Variants in DHDH observed in about 807,000 individuals in gnomAD.
DHDH encodes trans-1,2-dihydrobenzene-1,2-diol dehydrogenase.
A neutral mutation model predicts 33.2 loss-of-function variants in DHDH; 29 were observed. The ratio of observed to expected loss-of-function variants is 0.87; its 90% confidence interval spans 0.65 to 1.19. DHDH has a LOEUF of 1.19. Ranked by LOEUF, DHDH falls within the 50% of genes most tolerant of loss-of-function variation. The pLI, the probability that DHDH is intolerant of heterozygous loss-of-function variation, is 0.00. For missense variants in DHDH, 431 were observed against 455.0 expected (o/e 0.95, Z 0.48); for synonymous variants, 201 against 187.9 (o/e 1.07, Z -0.57).
At chr19:48,939,401 A>G (rs201250182) in intron 3 of DHDH, 48 bp from the exon 4 acceptor site, 2 of 1,571,332 alleles carry the variant, frequency 1.3e-6, no homozygotes, top group Non-Finnish European at 1.7e-6. Context: ...TTGGGACCCC[A>G]GAAGGGATTA....
intron 4 of DHDH, among the ~76,000 whole-genome samples, chr19:48,941,009 A>C (rs1367044025): frequency 1.3e-5 from 2 of 152,052 alleles, no homozygotes; most frequent in Non-Finnish European, 2.9e-5. Flanking sequence ...AAAAAAAAAA[A>C]AACTTAGTGA....
intron 3 of DHDH, among the ~76,000 whole-genome samples, chr19:48,936,791 C>A (rs1448180851): frequency 6.6e-6 from 1 of 151,758 alleles, no homozygotes; most frequent in Non-Finnish European, 1.5e-5. Flanking sequence ...GGTGGGGTTC[C>A]AGGTAGAGGT....
chr19:48,934,541 A>G (rs1374710077), intron 1 of DHDH, among the ~76,000 whole-genome samples: 3 of 152,120 alleles, frequency 2.0e-5, no homozygotes, highest in African/African-American at 7.2e-5. Flanking sequence ...ATAGGAGAAA[A>G]CCTACCTGTG....
Position 48,941,985 on chromosome 19 carries a change from C to CATGTGT in DHDH, c.620-455_620-454insATGTGT, listed in dbSNP as rs978940043. ...ACTGTGCACAGCCAAGACTGTACTT[C>CATGTGT]GTGTGTGTGTGTGTGTGTGTGTGTG... On this transcript the variant is annotated intron_variant, in intron 4 of 6. Coordinates refer to ENST00000221403, the MANE Select transcript of DHDH (RefSeq NM_014475.4). Among the ~76,000 whole-genome samples, 312 of 132,230 alleles carry CATGTGT rather than the reference C, an allele frequency of 2.4e-3. 3 individuals are homozygous for CATGTGT. The highest frequency in any genetic ancestry group is 0.018 in the Middle Eastern group (5 of 272). 86.7% of individuals were successfully genotyped at this position (132,230 alleles called of 152,430 possible).
Position 48,939,544 on chromosome 19 carries a change from T to A in DHDH, c.462T>A (p.Phe154Leu). 6.2e-7 allele frequency: 1 copy of A among 1,614,044 alleles called. No homozygotes were observed. The highest frequency in any genetic ancestry group is 8.5e-7 in the Non-Finnish European group (1 of 1,180,028). The change falls in exon 4 of 7, where the codon TTT becomes TTA. Residue 154 changes from phenylalanine to leucine, a missense_variant. By Grantham distance (22) the Phe-to-Leu change is conservative. Transcript: ENST00000221403. Reference protein sequence around the residue: ...LGDLRVARAEFGKNLIHVPRA... With the variant: ...LGDLRVARAELGKNLIHVPRA... ...ACCTCCGGGTGGCTCGGGCAGAATT[T>A]GGGAAGAATCTCATCCACGTTCCCC...
rs767798537 is a variant in DHDH at position 48,944,963 on chromosome 19, C to G, written c.*30C>G. 7 of 1,596,148 alleles carry G rather than the reference C, an allele frequency of 4.4e-6. No individual in the cohort carries two copies. Among genetic ancestry groups the G allele is most frequent in the Non-Finnish European group, 6.0e-6 (7 of 1,164,100 alleles). On this transcript the variant is annotated 3_prime_UTR_variant, in exon 7 of 7. Transcript: ENST00000221403. Reference sequence around the variant, plus strand: ...TCCCCGAATAAATAAAGACATCTTACATCTTCGTGGTAGTGGTTTGGCAGA... The same window carrying G: ...TCCCCGAATAAATAAAGACATCTTAGATCTTCGTGGTAGTGGTTTGGCAGA...
intron 2 of DHDH, among the ~76,000 whole-genome samples, chr19:48,935,764 C>G (rs193238012): frequency 2.5e-4 from 38 of 151,980 alleles, no homozygotes; most frequent in African/African-American, 9.2e-4. Flanking sequence ...TTGCAGTGAG[C>G]CGAGATCGCG....
chr19:48,939,087 G>A (rs1425001932), intron 3 of DHDH, among the ~76,000 whole-genome samples: 1 of 152,046 alleles, frequency 6.6e-6, no homozygotes, highest in African/African-American at 2.4e-5. Flanking sequence ...AAGCGAGAGG[G>A]AGAGAGACAC....
At chr19:48,936,397 C>T (rs2037776086) in intron 3 of DHDH, among the ~76,000 whole-genome samples, 1 of 152,094 alleles carries the variant, frequency 6.6e-6, no homozygotes, top group Admixed American at 6.6e-5. Context: ...TTTTGTCAGT[C>T]TTTAAGAAAA....
chr19:48,939,577 A>C lies in DHDH; in HGVS notation c.495A>C (p.Val165=), dbSNP rs771831984. ...GKNLIHVPRA[V]DRAQAGGALL... is the part of the protein sequence containing the mutation. Reference sequence around the variant, plus strand: ...ATCTCATCCACGTTCCCCGGGCCGTAGACCGGGCCCAGGCTGGGGGGGCCC... The same window carrying C: ...ATCTCATCCACGTTCCCCGGGCCGTCGACCGGGCCCAGGCTGGGGGGGCCC... Residue 165 remains valine, a synonymous_variant, in exon 4 of 7, where the codon GTA becomes GTC. Transcript: ENST00000221403. 1.6e-5 allele frequency: 26 copies of C among 1,610,060 alleles called. No homozygotes were observed. In the South Asian group the frequency reaches 2.1e-4, roughly 13 times the overall value.
rs760717151 is a variant in DHDH at position 48,933,825 on chromosome 19, C to A, written c.90+14C>A. ...TCTGAGCACCAGGTCTGCCCGCCCTCCGGATTCTGGGGAAGAGGAGGCGGG... is the reference window on the plus strand; with the variant it reads ...TCTGAGCACCAGGTCTGCCCGCCCTACGGATTCTGGGGAAGAGGAGGCGGG... On this transcript the variant is annotated intron_variant, in intron 1 of 6. Transcript: ENST00000221403. The A allele has an allele frequency of 8.1e-6, 13 of 1,606,034 alleles. No homozygotes were observed. Among genetic ancestry groups the A allele is most frequent in the Middle Eastern group, 1.6e-4 (1 of 6,084 alleles).
intron 3 of DHDH, among the ~76,000 whole-genome samples, chr19:48,938,146 G>C (rs542216419): frequency 6.6e-6 from 1 of 152,256 alleles, no homozygotes; most frequent in East Asian, 1.9e-4. Flanking sequence ...CGCCAGGCTG[G>C]AGTGCAATGG....
intron 6 of DHDH, 84 bp from the exon 7 acceptor site, chr19:48,944,740 T>C: frequency 3.0e-6 from 4 of 1,328,702 alleles, no homozygotes; most frequent in Middle Eastern, 2.6e-4. Flanking sequence ...ATGTATATTG[T>C]GCCACATGGA....
chr19:48,933,845 G>C (rs944148662), intron 1 of DHDH, 34 bp downstream of exon 1: 25 of 1,590,732 alleles, frequency 1.6e-5, no homozygotes, highest in Non-Finnish European at 2.0e-5. Context: ...GGGAAGAGGA[G>C]GCGGGGGGCG....
intron 1 of DHDH, among the ~76,000 whole-genome samples, chr19:48,934,218 CA>C (rs1045222907): frequency 2.1e-4 from 32 of 152,320 alleles, no homozygotes; most frequent in African/African-American, 7.7e-4. Context: ...TGGTAAAAGT[CA>C]TCGCCATTCT....
rs780647541 is a variant in DHDH, at chr19:48,939,440, G to A, written c.367-9G>A. On this transcript the variant is annotated splice_polypyrimidine_tract_variant and intron_variant, in intron 3 of 6. Coordinates refer to ENST00000221403, the MANE Select transcript of DHDH (RefSeq NM_014475.4). ...CTGGTTGGTTAACTCCTTTCCTTGT[G>A]GTCTGCAGGCCATCTGGACCCGCTT... The A allele has an allele frequency of 3.1e-6, 5 of 1,607,542 alleles. No individual in the cohort carries two copies. The highest frequency in any genetic ancestry group is 1.7e-5 in the Admixed American group (1 of 59,722).
intron 3 of DHDH, among the ~76,000 whole-genome samples, chr19:48,938,178 C>A (rs1487460415): frequency 6.6e-6 from 1 of 151,962 alleles, no homozygotes; most frequent in Non-Finnish European, 1.5e-5. Flanking sequence ...CTCACTGCAA[C>A]CTCCGCTGCC....
chr19:48,942,058 A>G (rs950100042), intron 4 of DHDH, among the ~76,000 whole-genome samples: 1 of 149,350 alleles, frequency 6.7e-6, no homozygotes, highest in African/African-American at 2.5e-5. Context: ...CCCAGGCTGG[A>G]GTGCAGTGGT....
In DHDH at chr19:48,944,521, T is replaced by C; in HGVS notation, c.895+14T>C. 6.3e-7 allele frequency: 1 copy of C among 1,582,562 alleles called. No homozygotes were observed. Among genetic ancestry groups the C allele is most frequent in the South Asian group, 1.1e-5 (1 of 87,394 alleles). ...GCCTACGCAAGGGTAAGGATATGGA[T>C]GCGGGGCAGGCGCCAGGCCTGGTAG... On this transcript the variant is annotated intron_variant, in intron 6 of 6. Transcript: ENST00000221403.
Sources: gnomAD v4.1 joint callset for allele counts (sites outside exome capture counted in the v4.1 genomes callset) on GRCh38, gnomAD v4.1.1 for gene constraint, MANE v1.5 for transcripts, NCBI Gene and HGNC (gene_info 2026-07-23, HGNC 2026-07-21) for gene names.